Variants in GABRB1 observed in about 807,000 individuals in gnomAD.
GABRB1 encodes gamma-aminobutyric acid receptor subunit beta-1.
In GABRB1, 17 loss-of-function variants were observed where a neutral mutation model predicts 51.6. The ratio of observed to expected loss-of-function variants is 0.33; its 90% CI spans 0.23 to 0.49. GABRB1 has a LOEUF of 0.49. Ranked by LOEUF, GABRB1 falls within the 20% of genes least tolerant of loss-of-function variation. The pLI is 0.99. For synonymous variants in GABRB1, 247 were observed against 218.9 expected, an observed-to-expected ratio of 1.13 and a Z score of -1.14; for missense variants, 410 against 600.6, an observed-to-expected ratio of 0.68 and a Z score of 3.32.
intron 5 of GABRB1, among the ~76,000 whole-genome samples, chr4:47,321,545 T>G (rs892930139): frequency 3.3e-5 from 5 of 151,432 alleles, no homozygotes; most frequent in African/African-American, 1.2e-4. Flanking sequence ...AAAGTATTGA[T>G]GGTAACTTTT....
intron 4 of GABRB1, among the ~76,000 whole-genome samples, chr4:47,303,914 T>A (rs1468381024): frequency 1.3e-5 from 2 of 152,062 alleles, no homozygotes; most frequent in Non-Finnish European, 2.9e-5. Context: ...TCATGTGGCA[T>A]TTGTCGTTCT....
intron 4 of GABRB1, among the ~76,000 whole-genome samples, chr4:47,298,397 A>T (rs1261045276): frequency 6.6e-6 from 1 of 152,252 alleles, no homozygotes; most frequent in Non-Finnish European, 1.5e-5. Context: ...AAGTCTCAGG[A>T]TACAAAATCA....
At chr4:47,007,643 T>A (rs142222102) in intron 1 of GABRB1, among the ~76,000 whole-genome samples, 2 of 152,038 alleles carry the variant, frequency 1.3e-5, no homozygotes, top group Non-Finnish European at 2.9e-5. Flanking sequence ...GAATGAAGAA[T>A]GTCAACGAAT....
At chr4:47,376,432 A>G (rs1043626493) in intron 5 of GABRB1, among the ~76,000 whole-genome samples, 2 of 152,046 alleles carry the variant, frequency 1.3e-5, no homozygotes, top group East Asian at 1.9e-4. Context: ...GGATCACGAG[A>G]TCAGGAGATC....
intron 5 of GABRB1, among the ~76,000 whole-genome samples, chr4:47,328,938 C>G (rs1296123576): frequency 6.6e-6 from 1 of 151,490 alleles, no homozygotes; most frequent in African/African-American, 2.4e-5. Context: ...AAAGAAATAT[C>G]TGTCCACCTA....
At chr4:47,120,932 G>A (rs971152184) in intron 3 of GABRB1, among the ~76,000 whole-genome samples, 4 of 152,154 alleles carry the variant, frequency 2.6e-5, no homozygotes, top group African/African-American at 9.7e-5. Flanking sequence ...GTGCTGCCTG[G>A]TGTTGAAGAA....
chr4:47,331,528 GAA>G (rs1388121061), intron 5 of GABRB1, among the ~76,000 whole-genome samples: 9 of 151,970 alleles, frequency 5.9e-5, no homozygotes. Context: ...TTAGATTCTG[GAA>G]GTTTGTTCTT....
chr4:47,126,620 C>A (rs1434326050), intron 3 of GABRB1, among the ~76,000 whole-genome samples: 2 of 151,838 alleles, frequency 1.3e-5, no homozygotes, highest in Non-Finnish European at 2.9e-5. Flanking sequence ...CGTAAAGTGG[C>A]AAAAATCATC....
chr4:47,065,544 T>A (rs566893446), intron 3 of GABRB1, among the ~76,000 whole-genome samples: 1 of 152,370 alleles, frequency 6.6e-6, no homozygotes, highest in South Asian at 2.1e-4. Flanking sequence ...ATAAACCCTT[T>A]AGATACTTCA....
intron 3 of GABRB1, among the ~76,000 whole-genome samples, chr4:47,035,147 A>G (rs531440577): frequency 6.6e-6 from 1 of 152,218 alleles, no homozygotes; most frequent in Admixed American, 6.5e-5. Flanking sequence ...AAATTAGTAG[A>G]TTTGAGAACT....
intron 8 of GABRB1, among the ~76,000 whole-genome samples, chr4:47,414,647 T>A (rs1025675035): frequency 1.3e-5 from 2 of 152,176 alleles, no homozygotes; most frequent in African/African-American, 4.8e-5. Flanking sequence ...TCCCCAATAG[T>A]CAAGAAATAG....
chr4:47,381,906 C>CA (rs1197177286), intron 5 of GABRB1, among the ~76,000 whole-genome samples: 3 of 152,104 alleles, frequency 2.0e-5, no homozygotes, highest in Admixed American at 6.6e-5. Context: ...AAAGAATTTG[C>CA]AAAAAATTAC....
intron 1 of GABRB1, among the ~76,000 whole-genome samples, chr4:47,015,855 A>C (rs1050582802): frequency 2.0e-5 from 3 of 152,360 alleles, no homozygotes; most frequent in Admixed American, 1.3e-4. Context: ...CCTACAGCAT[A>C]CCAGGATTTT....
chr4:47,032,160 A>ACC (rs1553910593), intron 2 of GABRB1, among the ~76,000 whole-genome samples, 155 bp downstream of exon 2: 9 of 137,878 alleles, frequency 6.5e-5, no homozygotes, highest in South Asian at 2.3e-4. Context: ...ACACACACAC[A>ACC]CCCCGGGTCC....
chr4:46,996,862 T>C (rs958908163), intron 1 of GABRB1, among the ~76,000 whole-genome samples: 1 of 152,128 alleles, frequency 6.6e-6, no homozygotes, highest in African/African-American at 2.4e-5. Context: ...GTTCCTCTTT[T>C]CTTTCATTAA....
chr4:47,289,091 G>A (rs958881605), intron 4 of GABRB1, among the ~76,000 whole-genome samples: 4 of 151,652 alleles, frequency 2.6e-5, no homozygotes, highest in East Asian at 1.9e-4. Flanking sequence ...GGAGACATGC[G>A]TATCAGCAAC....
chr4:47,395,757 C>A (rs1427987418), intron 5 of GABRB1, among the ~76,000 whole-genome samples: 1 of 152,178 alleles, frequency 6.6e-6, no homozygotes, highest in Admixed American at 6.5e-5. Flanking sequence ...TATCATCCAT[C>A]TTCCTAGTCC....
intron 4 of GABRB1, among the ~76,000 whole-genome samples, chr4:47,192,400 A>G (rs1560578812): frequency 6.6e-6 from 1 of 152,198 alleles, no homozygotes; most frequent in African/African-American, 2.4e-5. Context: ...ATTTTTGTGA[A>G]AAAAGGAAAA....
intron 5 of GABRB1, among the ~76,000 whole-genome samples, chr4:47,335,303 CTTG>C (rs1298109514): frequency 6.6e-6 from 1 of 152,062 alleles, no homozygotes; most frequent in East Asian, 1.9e-4. Context: ...CTCCCCTATT[CTTG>C]TTGTTGTTGC....
Sources: gnomAD v4.1 joint callset for allele counts (sites outside exome capture counted in the v4.1 genomes callset) on GRCh38, gnomAD v4.1.1 for gene constraint, MANE v1.5 for transcripts, NCBI Gene and HGNC (gene_info 2026-07-23, HGNC 2026-07-21) for gene names.